Variants in FAM169A observed in about 807,000 individuals in gnomAD.
The protein encoded by FAM169A is soluble lamin-associated protein of 75 kDa.
A neutral mutation model predicts 75.7 loss-of-function variants in FAM169A; 24 were observed. The observed-to-expected ratio is 0.32, with a 90% CI of 0.23 to 0.45. The LOEUF is 0.45. Ranked by LOEUF, FAM169A falls within the 20% of genes least tolerant of loss-of-function variation. The pLI, the probability that FAM169A is intolerant of heterozygous loss-of-function variation, is 1.00. For synonymous variants in FAM169A, 271 were observed against 271.0 expected (o/e 1.00, Z 0.00); for missense variants, 673 against 784.0 (o/e 0.86, Z 1.69).
chr5:74,793,847 G>C (rs1180341558), intron 11 of FAM169A, among the ~76,000 whole-genome samples: 4 of 150,690 alleles, frequency 2.7e-5, no homozygotes, highest in Admixed American at 2.6e-4. Context: ...ACTAAAAATA[G>C]AAAAAATTAG....
chr5:74,821,009 A>G (rs946713529), intron 5 of FAM169A, among the ~76,000 whole-genome samples: 1 of 152,124 alleles, frequency 6.6e-6, no homozygotes, highest in East Asian at 1.9e-4. Context: ...TCACTATTCC[A>G]TCACTTCATT....
rs772139541 is a variant in FAM169A at position 74,781,454 on chromosome 5, C to T, written c.*6G>A. ...AAGAGGATTTATCATCCACTTTCTT[C>T]TTCCTTCAGGTCAGCTTAGCTTTCT... On this transcript the variant is annotated 3_prime_UTR_variant, in exon 13 of 13. Transcript: ENST00000687041. The T allele has an allele frequency of 6.2e-7, 1 of 1,605,896 alleles. No individual in the cohort carries two copies. The highest frequency in any genetic ancestry group is 1.7e-5 in the Admixed American group (1 of 58,724).
At chr5:74,845,248 G>A (rs1749093332) in intron 1 of FAM169A, among the ~76,000 whole-genome samples, 2 of 152,302 alleles carry the variant, frequency 1.3e-5, no homozygotes, top group South Asian at 4.1e-4. Context: ...GCCGGGTGCG[G>A]TGGTTCACGC....
intron 4 of FAM169A, among the ~76,000 whole-genome samples, chr5:74,836,270 C>T (rs769129450): frequency 6.6e-6 from 1 of 152,104 alleles, no homozygotes; most frequent in East Asian, 1.9e-4. Context: ...ATTTTTTGAA[C>T]CTATAGGTAT....
rs1745433653 is a variant in FAM169A, at chr5:74,781,949, C to T, written c.1524G>A (p.Gly508=). 2.5e-6 allele frequency: 4 copies of T among 1,613,970 alleles called. No individual in the cohort carries two copies. The highest frequency in any genetic ancestry group is 1.1e-5 in the South Asian group (1 of 91,070). ...LMDEGTSDEK[G]HMEEKLSLLP... ...GTAGGGACAATTTCTCTTCCATGTG[C>T]CCCTTTTCATCAGATGTGCCTTCAT... is the stretch of plus-strand genomic sequence containing the variant. Residue 508 remains glycine, a synonymous_variant, in exon 13 of 13, where the codon GGG becomes GGA. Transcript: ENST00000687041.
chr5:74,804,659 T>A, intron 7 of FAM169A, 54 bp from the exon 8 acceptor site: 1 of 1,001,912 alleles, frequency 1.0e-6, no homozygotes, highest in Non-Finnish European at 1.5e-6. Context: ...TGGTTTTAAC[T>A]CTAACATTGT....
chr5:74,826,644 T>G (rs186515167), intron 5 of FAM169A, among the ~76,000 whole-genome samples: 20 of 152,294 alleles, frequency 1.3e-4, no homozygotes, highest in Admixed American at 6.5e-4. Flanking sequence ...TTTAAAAAAC[T>G]ATTTTAAAAA....
Position 74,781,372 on chromosome 5 carries a change from G to A in FAM169A, c.*88C>T, listed in dbSNP as rs1322839846. 3.8e-6 allele frequency: 5 copies of A among 1,315,968 alleles called. No individual in the cohort carries two copies. Among genetic ancestry groups the A allele is most frequent in the Non-Finnish European group, 4.2e-6 (4 of 955,094 alleles). The allele number at this position is 1,315,968 out of a possible 1,614,324, so 81.5% of individuals were successfully genotyped here. ...TTGAAATTTTGGAAATTTTTGTCCT[G>A]TGCCCCATGCTGTTTATTAATTACC... On this transcript the variant is annotated 3_prime_UTR_variant, in exon 13 of 13. Transcript: ENST00000687041.
At chr5:74,798,186 A>AATCCGCCTT (rs1746376088) in intron 10 of FAM169A, among the ~76,000 whole-genome samples, 1 of 152,218 alleles carries the variant, frequency 6.6e-6, no homozygotes. Context: ...GTTCTATCAC[A>AATCCGCCTT]ATCCGCCTTA....
chr5:74,855,670 T>C (rs1166267901), intron 1 of FAM169A, among the ~76,000 whole-genome samples: 1 of 152,236 alleles, frequency 6.6e-6, no homozygotes, highest in Non-Finnish European at 1.5e-5. Flanking sequence ...GAGTTCCTTA[T>C]ATATTCTGGT....
At chr5:74,847,321 C>G (rs1749207400) in intron 1 of FAM169A, among the ~76,000 whole-genome samples, 1 of 151,726 alleles carries the variant, frequency 6.6e-6, no homozygotes, top group Non-Finnish European at 1.5e-5. Context: ...CTGGTAACCT[C>G]TATTTTACTT....
At chr5:74,816,990 T>C (rs541508028) in intron 5 of FAM169A, among the ~76,000 whole-genome samples, 34 of 152,214 alleles carry the variant, frequency 2.2e-4, no homozygotes, top group African/African-American at 7.0e-4. Flanking sequence ...ATCATCTCAA[T>C]AGCTGGAGAA....
At chr5:74,807,664 T>C (rs1039005736) in intron 6 of FAM169A, among the ~76,000 whole-genome samples, 29 of 152,248 alleles carry the variant, frequency 1.9e-4, no homozygotes, top group Middle Eastern at 3.4e-3. Context: ...GGGAAATATA[T>C]GAATAAACTG....
chr5:74,855,662 G>A (rs1156578121), intron 1 of FAM169A, among the ~76,000 whole-genome samples: 1 of 152,152 alleles, frequency 6.6e-6, no homozygotes, highest in Non-Finnish European at 1.5e-5. Flanking sequence ...AGTTGTCTGA[G>A]TTCCTTATAT....
At chr5:74,806,240 T>C (rs1487465469) in intron 6 of FAM169A, among the ~76,000 whole-genome samples, 1 of 151,960 alleles carries the variant, frequency 6.6e-6, no homozygotes, top group Non-Finnish European at 1.5e-5. Flanking sequence ...GAAACTCCAC[T>C]AGGAAAGAAC....
chr5:74,866,415 T>TCCGCTCCGCGCCCGCGCCCA, upstream of FAM169A: 1 of 973,492 alleles, frequency 1.0e-6, no homozygotes, highest in Non-Finnish European at 1.2e-6. Flanking sequence ...AGCCTTCGCT[T>TCCGCTCCGCGCCCGCGCCCA]CCGCTCCGCG....
In FAM169A at chr5:74,783,126, T is replaced by C; in HGVS notation, c.1269A>G (p.Glu423=). 1 of 1,610,638 alleles carries C rather than the reference T, an allele frequency of 6.2e-7. No homozygotes were observed. Among genetic ancestry groups the C allele is most frequent in the Non-Finnish European group, 8.5e-7 (1 of 1,177,508 alleles). ...TTATCTCACCATTCATAGGCTCTAA[T>C]TCAGATTCCTACACCATGAGGAGAG... The part of the protein sequence containing the change: ...QEKQDGEKES[E]LEPMNGEIMD... The change falls in exon 12 of 13, where the codon GAA becomes GAG. Residue 423 remains glutamate, a synonymous_variant. Transcript: ENST00000687041.
At chr5:74,844,319 G>A (rs911265240) in intron 1 of FAM169A, among the ~76,000 whole-genome samples, 5 of 152,038 alleles carry the variant, frequency 3.3e-5, no homozygotes, top group African/African-American at 7.2e-5. Context: ...AAAATTAGCC[G>A]GGTATGGTGG....
chr5:74,799,313 T>G, intron 10 of FAM169A: 1 of 1,599,262 alleles, frequency 6.3e-7, no homozygotes, highest in Non-Finnish European at 8.6e-7. Flanking sequence ...TGGTCCGCCC[T>G]AGAGAACAAA....
Sources: gnomAD v4.1 joint callset for allele counts (sites outside exome capture counted in the v4.1 genomes callset) on GRCh38, gnomAD v4.1.1 for gene constraint, MANE v1.5 for transcripts, NCBI Gene and HGNC (gene_info 2026-07-23, HGNC 2026-07-21) for gene names.